The following PSPC1 variants were observed in gnomAD, a reference collection of about 807,000 sequenced individuals.
PSPC1 encodes the protein paraspeckle component 1.
A neutral mutation model predicts 51.6 loss-of-function variants in PSPC1; 14 were observed. The ratio of observed to expected loss-of-function variants is 0.27; its 90% CI spans 0.18 to 0.42. The LOEUF (loss-of-function observed/expected upper bound fraction) is 0.42. Ranked by LOEUF, PSPC1 falls within the 10% of genes least tolerant of loss-of-function variation. The pLI, the probability that PSPC1 is intolerant of heterozygous loss-of-function variation, is 1.00. For missense variants in PSPC1, 406 were observed against 701.1 expected (o/e 0.58, Z 4.75); for synonymous variants, 193 against 231.9 (o/e 0.83, Z 1.53).
rs145762792 is a variant in PSPC1, at chr13:19,713,236, G to A, written c.1159-3637C>T. On this transcript the variant is annotated intron_variant, in intron 6 of 8. Transcript: ENST00000338910. ...ACATTACAAAAAATTAAGAGTTGTT[G>A]TTTAAGCCAAAACAACTTATTTGTA... is the stretch of plus-strand genomic sequence containing the variant. Among the ~76,000 whole-genome samples, 21 of 152,222 alleles carry A rather than the reference G, an allele frequency of 1.4e-4. No homozygotes were observed. In the East Asian group the frequency reaches 4.1e-3, roughly 29 times the overall value.
chr13:19,709,310 T>G (rs1265032314), intron 7 of PSPC1, among the ~76,000 whole-genome samples: 2 of 152,180 alleles, frequency 1.3e-5, no homozygotes, highest in Non-Finnish European at 2.9e-5. Flanking sequence ...AGCCTATGAA[T>G]GTATAACACA....
At chr13:19,705,048 C>A (rs1880469850) in intron 8 of PSPC1, among the ~76,000 whole-genome samples, 2 of 152,134 alleles carry the variant, frequency 1.3e-5, no homozygotes, top group South Asian at 4.1e-4. Context: ...AGGAAAAGAA[C>A]ACTATCATAA....
intron 1 of PSPC1, among the ~76,000 whole-genome samples, chr13:19,779,015 G>A: frequency 7.2e-6 from 1 of 139,156 alleles, no homozygotes; most frequent in South Asian, 2.5e-4. Flanking sequence ...GAGCGCCTCT[G>A]CCCCGCTGCC....
chr13:19,728,142 A>T (rs770789941), intron 6 of PSPC1, among the ~76,000 whole-genome samples: 13 of 152,178 alleles, frequency 8.5e-5, no homozygotes, highest in Non-Finnish European at 1.9e-4. Context: ...ACAAACAAAA[A>T]GATGACCAGA....
At chr13:19,745,939 C>A (rs538228766) in intron 4 of PSPC1, among the ~76,000 whole-genome samples, 1 of 151,876 alleles carries the variant, frequency 6.6e-6, no homozygotes, top group East Asian at 2.0e-4. Context: ...CTGTTCTTCA[C>A]TTATGTGATG....
chr13:19,697,075 TACTGGGAC>T (rs1303271204), intron 6 of PSPC1, among the ~76,000 whole-genome samples: 1 of 152,176 alleles, frequency 6.6e-6, no homozygotes, highest in Non-Finnish European at 1.5e-5. Flanking sequence ...ATCTACAGTG[TACTGGGAC>T]AGTCAACTAC....
chr13:19,774,740 G>A (rs1888925811), intron 1 of PSPC1, among the ~76,000 whole-genome samples: 1 of 151,248 alleles, frequency 6.6e-6, no homozygotes. Context: ...AGAAGGCAGA[G>A]GTTGCAGTGA....
intron 2 of PSPC1, among the ~76,000 whole-genome samples, chr13:19,766,923 G>A (rs758390460): frequency 6.6e-6 from 1 of 152,018 alleles, no homozygotes; most frequent in Non-Finnish European, 1.5e-5. Flanking sequence ...CAGCACTCTG[G>A]GAGGCTGAGG....
intron 7 of PSPC1, among the ~76,000 whole-genome samples, chr13:19,676,079 T>A (rs969945305): frequency 2.6e-5 from 4 of 152,160 alleles, no homozygotes; most frequent in Admixed American, 6.6e-5. Context: ...GCTTATAGAA[T>A]CTCTCTCCCC....
chr13:19,759,861 C>CAAAAAAA (rs60889099), intron 2 of PSPC1, among the ~76,000 whole-genome samples: 13 of 131,780 alleles, frequency 9.9e-5, no homozygotes, highest in African/African-American at 4.0e-4. Flanking sequence ...GACTCCATCA[C>CAAAAAAA]AAAAAAAAAA....
chr13:19,779,345 C>A (rs1287956161), intron 1 of PSPC1, among the ~76,000 whole-genome samples: 1 of 116,116 alleles, frequency 8.6e-6, no homozygotes, highest in Non-Finnish European at 1.9e-5. Context: ...GTCAGCCCCC[C>A]CGCCCGGCCA....
intron 2 of PSPC1, among the ~76,000 whole-genome samples, chr13:19,770,822 C>G (rs1050551638): frequency 1.9e-4 from 29 of 151,706 alleles, no homozygotes; most frequent in Non-Finnish European, 2.4e-4. Context: ...TTGCTTGAAC[C>G]TGGGAGGCAG....
At chr13:19,697,452 ACAATGAATTAATGGAT>A (rs1424815726) in intron 6 of PSPC1, among the ~76,000 whole-genome samples, 2 of 152,226 alleles carry the variant, frequency 1.3e-5, no homozygotes, top group Non-Finnish European at 2.9e-5. Context: ...ACATGCTGTT[ACAATGAATTAATGGAT>A]ATAGTGAAAT....
intron 5 of PSPC1, among the ~76,000 whole-genome samples, chr13:19,730,946 G>GAAAAAAAAAAAAAAACAAAACAAAAAAA (rs1168386647): frequency 4.0e-5 from 1 of 25,220 alleles, no homozygotes; most frequent in Non-Finnish European, 1.0e-4. Context: ...CCCTGTCTCA[G>GAAAAAAAAAAAAAAACAAAACAAAAAAA]AAAAAAAAAA....
chr13:19,713,723 G>A (rs1881740971), intron 6 of PSPC1, among the ~76,000 whole-genome samples: 1 of 152,056 alleles, frequency 6.6e-6, no homozygotes, highest in African/African-American at 2.4e-5. Flanking sequence ...CAAAAAAGGA[G>A]GCAAAGTATG....
chr13:19,688,908 A>G (rs1878237547), intron 6 of PSPC1, among the ~76,000 whole-genome samples: 2 of 151,552 alleles, frequency 1.3e-5, no homozygotes, highest in Non-Finnish European at 2.9e-5. Flanking sequence ...AGACACATTC[A>G]CATTAAATTA....
At chr13:19,725,610 A>G (rs926087236) in intron 6 of PSPC1, among the ~76,000 whole-genome samples, 1 of 150,410 alleles carries the variant, frequency 6.6e-6, no homozygotes, top group African/African-American at 2.4e-5. Context: ...AAAATAAACA[A>G]AACAAAACAA....
At chr13:19,767,139 G>A (rs1346328925) in intron 2 of PSPC1, among the ~76,000 whole-genome samples, 4 of 151,318 alleles carry the variant, frequency 2.6e-5, no homozygotes, top group African/African-American at 9.7e-5. Flanking sequence ...TGAAACCCCA[G>A]CTCTATTAAA....
At chr13:19,742,354 A>G (rs1238507864) in intron 4 of PSPC1, among the ~76,000 whole-genome samples, 2 of 151,984 alleles carry the variant, frequency 1.3e-5, no homozygotes, top group Non-Finnish European at 2.9e-5. Flanking sequence ...CTGTAATCCC[A>G]GCACTTTGGG....
Sources: allele counts gnomAD v4.1 joint callset (sites outside exome capture counted in the v4.1 genomes callset), GRCh38; gene constraint gnomAD v4.1.1; transcripts MANE v1.5; gene names NCBI Gene and HGNC (gene_info 2026-07-23, HGNC 2026-07-21).